ATP8A2: variants seen among roughly 807,000 people sequenced by gnomAD.
The protein encoded by ATP8A2 is ATPase phospholipid transporting 8A2.
In ATP8A2, 100 loss-of-function variants were observed where a neutral mutation model predicts 165.6. The observed-to-expected ratio is 0.60, with a 90% confidence interval of 0.51 to 0.71. The LOEUF (loss-of-function observed/expected upper bound fraction) is 0.71. Among genes scored for constraint, ATP8A2 ranks in the 30% least tolerant of loss-of-function variants. The pLI is 0.00. For synonymous variants in ATP8A2, 543 were observed against 548.8 expected (o/e 0.99, Z 0.15); for missense variants, 1,227 against 1,479.5 (o/e 0.83, Z 2.80).
At position 26,023,638 on chromosome 13, in the gene ATP8A2, T is replaced by A. The variant is rs1413554076; in HGVS notation, c.*3653T>A. 2 of 152,224 alleles carry A rather than the reference T, an allele frequency of 1.3e-5. No individual in the cohort carries two copies. Among genetic ancestry groups the A allele is most frequent in the Non-Finnish European group, 2.9e-5 (2 of 68,038 alleles). 9.4% of individuals were successfully genotyped at this position (152,224 alleles called of 1,614,324 possible). On this transcript the variant is annotated 3_prime_UTR_variant, in exon 37 of 37. Coordinates refer to ENST00000381655, the MANE Select transcript of ATP8A2 (RefSeq NM_016529.6). ...CCTTTAATCTTGTCATTTGGAACCA[T>A]AAAGCATTTTTATCAGGTACCTCTG...
chr13:25,490,582 A>G (rs1250168007), intron 2 of ATP8A2, among the ~76,000 whole-genome samples: 1 of 152,184 alleles, frequency 6.6e-6, no homozygotes, highest in Non-Finnish European at 1.5e-5. Context: ...TGCAGGCAAT[A>G]AGAAGGTCCA....
chr13:25,637,578 C>G (rs1019244330), intron 24 of ATP8A2, among the ~76,000 whole-genome samples: 5 of 152,114 alleles, frequency 3.3e-5, no homozygotes, highest in African/African-American at 1.2e-4. Flanking sequence ...CTGCCATTGA[C>G]GAGGCTTGAG....
intron 33 of ATP8A2, among the ~76,000 whole-genome samples, chr13:25,876,242 C>T (rs1345616303): frequency 2.0e-5 from 3 of 152,178 alleles, no homozygotes; most frequent in South Asian, 4.1e-4. Context: ...GGATCTGGCC[C>T]TGCCAGCTCA....
At chr13:25,879,005 C>T (rs575468964) in intron 33 of ATP8A2, among the ~76,000 whole-genome samples, 92 of 152,288 alleles carry the variant, frequency 6.0e-4, no homozygotes, top group Non-Finnish European at 8.7e-4. Context: ...GATCACCATG[C>T]GATTTGCTCC....
At chr13:25,490,388 C>A (rs2036489431) in intron 2 of ATP8A2, among the ~76,000 whole-genome samples, 1 of 152,226 alleles carries the variant, frequency 6.6e-6, no homozygotes, top group Non-Finnish European at 1.5e-5. Flanking sequence ...GGAGCCGGGG[C>A]TCCCATGCCT....
At chr13:25,535,466 T>A (rs1232041006) in intron 6 of ATP8A2, among the ~76,000 whole-genome samples, 1 of 152,136 alleles carries the variant, frequency 6.6e-6, no homozygotes, top group Non-Finnish European at 1.5e-5. Flanking sequence ...CTGTTCCCAG[T>A]GTACTAATTC....
chr13:25,674,864 A>G (rs1297749032), intron 24 of ATP8A2, among the ~76,000 whole-genome samples: 1 of 152,236 alleles, frequency 6.6e-6, no homozygotes, highest in East Asian at 1.9e-4. Flanking sequence ...AATCCAAATT[A>G]TTTCTCACTC....
chr13:25,901,228 T>C (rs113189632), intron 33 of ATP8A2, among the ~76,000 whole-genome samples: 1,590 of 152,222 alleles, frequency 0.01, 31 homozygotes, highest in African/African-American at 0.035. Flanking sequence ...AAGGGGCCGA[T>C]GAATAGTGCT....
intron 1 of ATP8A2, among the ~76,000 whole-genome samples, chr13:25,433,884 A>T (rs2034680574): frequency 6.6e-6 from 1 of 152,196 alleles, no homozygotes; most frequent in Admixed American, 6.5e-5. Flanking sequence ...GAAACAGAAA[A>T]TATTGCGTGT....
intron 2 of ATP8A2, among the ~76,000 whole-genome samples, chr13:25,503,978 A>G (rs2036940965): frequency 6.6e-6 from 1 of 152,240 alleles, no homozygotes; most frequent in Non-Finnish European, 1.5e-5. Flanking sequence ...AAATGTTTAC[A>G]AGCACTGTGA....
chr13:25,989,319 C>T (rs1216090909), intron 35 of ATP8A2, among the ~76,000 whole-genome samples: 1 of 152,056 alleles, frequency 6.6e-6, no homozygotes, highest in Non-Finnish European at 1.5e-5. Flanking sequence ...CTGAATGAGC[C>T]CAGAAAGTTT....
chr13:25,627,451 C>A (rs983118996), intron 24 of ATP8A2, among the ~76,000 whole-genome samples: 6 of 152,012 alleles, frequency 3.9e-5, no homozygotes, highest in African/African-American at 1.4e-4. Flanking sequence ...AGTAAGGAAG[C>A]AATTATGGTT....
chr13:25,418,467 A>G (rs771778209), intron 1 of ATP8A2, among the ~76,000 whole-genome samples: 66 of 142,696 alleles, frequency 4.6e-4, no homozygotes, highest in Non-Finnish European at 6.0e-4. Context: ...ACCATGTTAA[A>G]GGATATTTTT....
chr13:26,008,827 G>A (rs74039976), intron 35 of ATP8A2, among the ~76,000 whole-genome samples: 1 of 152,134 alleles, frequency 6.6e-6, no homozygotes, highest in African/African-American at 2.4e-5. Context: ...TATTGAAGAA[G>A]GGGGTTAAAT....
intron 33 of ATP8A2, among the ~76,000 whole-genome samples, chr13:25,914,119 C>A (rs1404944090): frequency 6.6e-6 from 1 of 152,168 alleles, no homozygotes; most frequent in Non-Finnish European, 1.5e-5. Context: ...CAAATTATTT[C>A]TTGCCTAGTT....
intron 25 of ATP8A2, among the ~76,000 whole-genome samples, chr13:25,731,355 A>G (rs1566085950): frequency 7.7e-6 from 1 of 129,456 alleles, no homozygotes; most frequent in Non-Finnish European, 1.7e-5. Flanking sequence ...GAAAGAAGGA[A>G]AGAGAGAGAG....
At chr13:25,699,076 G>T (rs2042894821) in intron 24 of ATP8A2, 97 bp from the exon 25 acceptor site, 1 of 918,580 alleles carries the variant, frequency 1.1e-6, no homozygotes. Context: ...ATTAGAATGG[G>T]TGTGTTCTCA....
At chr13:25,513,335 G>A (rs2037335864) in intron 2 of ATP8A2, among the ~76,000 whole-genome samples, 1 of 151,920 alleles carries the variant, frequency 6.6e-6, no homozygotes, top group Non-Finnish European at 1.5e-5. Context: ...GTGGGGCAGA[G>A]GCGCTCCCCA....
intron 1 of ATP8A2, among the ~76,000 whole-genome samples, chr13:25,396,305 C>A (rs1235827053): frequency 1.3e-5 from 2 of 152,190 alleles, no homozygotes; most frequent in Non-Finnish European, 2.9e-5. Flanking sequence ...GGTCAGATAA[C>A]TTTCTTATGG....
Sources: gnomAD v4.1 joint callset for allele counts (sites outside exome capture counted in the v4.1 genomes callset) on GRCh38, gnomAD v4.1.1 for gene constraint, MANE v1.5 for transcripts, NCBI Gene and HGNC (gene_info 2026-07-23, HGNC 2026-07-21) for gene names.